Variants in C17orf107 observed in about 807,000 individuals in gnomAD.
C17orf107 encodes the protein chromosome 17 open reading frame 107.
C17orf107 carries 9 observed loss-of-function variants against 8.9 expected under a neutral mutation model. That is an observed-to-expected ratio of 1.02 (90% confidence interval 0.61 to 1.77). C17orf107 has a LOEUF of 1.77. C17orf107 is among the 40% of genes most tolerant of loss of function. The probability of loss-of-function intolerance (pLI) is 0.00; values close to 1 mark genes in which losing one functional copy is unlikely to be tolerated. For missense variants in C17orf107, 281 were observed against 249.0 expected (o/e 1.13, Z -0.86); for synonymous variants, 139 against 120.3 (o/e 1.16, Z -1.02).
chr17:4,905,530 C>G (rs1302356215), downstream of C17orf107, among the ~76,000 whole-genome samples: 1 of 152,080 alleles, frequency 6.6e-6, no homozygotes, highest in East Asian at 1.9e-4. Context: ...ACACTACACT[C>G]CAGCCTGGGT....
downstream of C17orf107, among the ~76,000 whole-genome samples, chr17:4,905,755 G>C (rs1970085797): frequency 6.6e-6 from 1 of 151,960 alleles, no homozygotes; most frequent in Admixed American, 6.6e-5. Context: ...CAGCTACTCG[G>C]GAGGCTGAGG....
downstream of C17orf107, among the ~76,000 whole-genome samples, chr17:4,904,148 C>T (rs143303324): frequency 6.5e-4 from 99 of 152,286 alleles, 3 homozygotes; most frequent in East Asian, 0.019. Flanking sequence ...TGAGCCACCG[C>T]GCCCAGCCTC....
rs746315640 is a variant in C17orf107 at position 4,902,343 on chromosome 17, G to A, written c.*1810G>A. On this transcript the variant is annotated 3_prime_UTR_variant, in exon 3 of 3. Transcript: ENST00000381365. The surrounding 1 kb of genome is among the most constrained non-coding windows in gnomAD (Gnocchi z 4.0). ...CTGCCAATCCTAAGGGGTGGGGGAT[G>A]GAAGGCCGCGTGCCCTGCATCTCCC... The A allele has an allele frequency of 1.2e-5, 19 of 1,614,022 alleles. No homozygotes were observed. The highest frequency in any genetic ancestry group is 1.6e-5 in the Non-Finnish European group (19 of 1,179,856).
Position 4,900,264 on chromosome 17 carries a change from G to T in C17orf107, c.304G>T (p.Ala102Ser). The stretch of plus-strand genomic sequence containing the variant: ...CTCAGCCCTGTGGCTGCAGCAGGAG[G>T]CGCGGCGACTAGACGGCAGCGCGGG... ...EISALWLQQEARRLDGSAGPA... is the reference protein window; with the variant it reads ...EISALWLQQESRRLDGSAGPA... The change falls in exon 3 of 3, where the codon GCG becomes TCG. Residue 102 changes from alanine to serine, a missense_variant. Coordinates refer to ENST00000381365, the MANE Select transcript of C17orf107 (RefSeq NM_001145536.2). 2 of 1,546,446 alleles carry T rather than the reference G, an allele frequency of 1.3e-6. No homozygotes were observed. The highest frequency in any genetic ancestry group is 1.7e-6 in the Non-Finnish European group (2 of 1,146,654).
Position 4,900,066 on chromosome 17 carries a change from C to T in C17orf107, c.197C>T (p.Pro66Leu). ...PPEPKMQGML[P>L]APKPTLGLVL... is the part of the protein sequence containing the mutation. The stretch of plus-strand genomic sequence containing the variant: ...GAACCGAAGATGCAGGGGATGCTGC[C>T]TGCCCCGAAGCCCACCCTGGGGCTG... The change falls in exon 2 of 3, where the codon CCT becomes CTT. Residue 66 changes from proline to leucine, a missense_variant. By Grantham distance (98) the Pro-to-Leu change is moderately conservative (BLOSUM62 -3). Coordinates refer to ENST00000381365, the MANE Select transcript of C17orf107 (RefSeq NM_001145536.2). The T allele has an allele frequency of 6.4e-7, 1 of 1,551,186 alleles. No individual in the cohort carries two copies. The highest frequency in any genetic ancestry group is 8.7e-7 in the Non-Finnish European group (1 of 1,147,002).
rs1352770248 is a variant in C17orf107 at position 4,902,310 on chromosome 17, C to T, written c.*1777C>T. On this transcript the variant is annotated 3_prime_UTR_variant, in exon 3 of 3. Coordinates refer to ENST00000381365, the MANE Select transcript of C17orf107 (RefSeq NM_001145536.2). This position sits in a 1 kb window ranked among gnomAD's most constrained non-coding sequence, Gnocchi z 4.0. ...AAAGTCGTCCTTGCTGTAGTTGAGT[C>T]GGTAATCCTGCCAATCCTAAGGGGT... is the stretch of plus-strand genomic sequence containing the variant. 1.2e-6 allele frequency: 2 copies of T among 1,614,134 alleles called. No individual in the cohort carries two copies. Among genetic ancestry groups the T allele is most frequent in the South Asian group, 1.1e-5 (1 of 91,070 alleles).
At position 4,901,975 on chromosome 17, in the gene C17orf107, T is replaced by A. The variant is rs535287601; in HGVS notation, c.*1442T>A. 6 of 1,607,652 alleles carry A rather than the reference T, an allele frequency of 3.7e-6. No individual in the cohort carries two copies. The Admixed American group carries it at 6.7e-5, about 18-fold the overall frequency. ...TTCTGCCAATCGAAGGGGAAGTAGG[T>A]GACCTCCACTGCGCAGACGCTGCGG... On this transcript the variant is annotated 3_prime_UTR_variant, in exon 3 of 3. Coordinates refer to ENST00000381365, the MANE Select transcript of C17orf107 (RefSeq NM_001145536.2).
Position 4,901,833 on chromosome 17 carries a change from G to T in C17orf107, c.*1300G>T, listed in dbSNP as rs559699657. 5 of 1,547,758 alleles carry T rather than the reference G, an allele frequency of 3.2e-6. No homozygotes were observed. The highest frequency in any genetic ancestry group is 4.4e-6 in the Non-Finnish European group (5 of 1,128,570). On this transcript the variant is annotated 3_prime_UTR_variant, in exon 3 of 3. Transcript: ENST00000381365. ...GCCTACGCCTGGCTCCGCCTCCAGCGCGAAGCCCCGCCCCGAGGGCGGTGC... is the reference window on the plus strand; with the variant it reads ...GCCTACGCCTGGCTCCGCCTCCAGCTCGAAGCCCCGCCCCGAGGGCGGTGC...
chr17:4,904,212 G>C (rs140258635), downstream of C17orf107, among the ~76,000 whole-genome samples: 864 of 147,862 alleles, frequency 5.8e-3, 9 homozygotes, highest in African/African-American at 0.021. Context: ...TGCAGGGGGT[G>C]GGGGGACAGG....
rs749454549 is a variant in C17orf107, at chr17:4,901,616, C to A, written c.*1083C>A. 2.5e-6 allele frequency: 4 copies of A among 1,614,000 alleles called. No homozygotes were observed. The South Asian group carries it at 4.4e-5, about 18-fold the overall frequency. ...TGAACTCCACCTCTTCGGCATTGTA[C>A]GTCTGAGAGCTGCGGAGCCAGGGCC... On this transcript the variant is annotated 3_prime_UTR_variant, in exon 3 of 3. Coordinates refer to ENST00000381365, the MANE Select transcript of C17orf107 (RefSeq NM_001145536.2).
At chr17:4,903,467 C>T (rs1970045777), downstream of C17orf107, among the ~76,000 whole-genome samples, 2 of 152,160 alleles carry the variant, frequency 1.3e-5, no homozygotes, top group African/African-American at 2.4e-5. Flanking sequence ...GGATGTGACA[C>T]ACCCCTTGCC....
rs373958533 is a variant in C17orf107 at position 4,900,564 on chromosome 17, T to A, written c.*31T>A. The stretch of plus-strand genomic sequence containing the variant: ...AGAGGCGGCGGGGCTAGGGAGGCAC[T>A]GAGCCGGACTGTCCCCCAAGAGAGC... On this transcript the variant is annotated 3_prime_UTR_variant, in exon 3 of 3. Coordinates refer to ENST00000381365, the MANE Select transcript of C17orf107 (RefSeq NM_001145536.2). 1.3e-4 allele frequency: 203 copies of A among 1,549,868 alleles called. 5 individuals are homozygous for A. In the South Asian group the frequency reaches 2.4e-3, roughly 18 times the overall value.
chr17:4,900,130 C>G lies in C17orf107; in HGVS notation c.261C>G (p.Gly87=), dbSNP rs956028664. 9 of 1,550,266 alleles carry G rather than the reference C, an allele frequency of 5.8e-6. No individual in the cohort carries two copies. Among genetic ancestry groups the G allele is most frequent in the African/African-American group, 5.5e-5 (4 of 73,054 alleles). ...REATASLVSF[G]TTLLEISALW... ...CCACAGCCAGCCTCGTGAGCTTCGG[C>G]ACCACCTTGTTAGAGGTGGGGTACT... Residue 87 remains glycine (G), a synonymous_variant, in exon 2 of 3, where the codon GGC becomes GGG. Coordinates refer to ENST00000381365, the MANE Select transcript of C17orf107 (RefSeq NM_001145536.2).
At chr17:4,905,147 A>T (rs1057024325), downstream of C17orf107, among the ~76,000 whole-genome samples, 16 of 152,368 alleles carry the variant, frequency 1.1e-4, no homozygotes, top group African/African-American at 3.8e-4. Context: ...AGGAGTTATC[A>T]TCTAATGACA....
chr17:4,905,064 C>G (rs922722509), downstream of C17orf107, among the ~76,000 whole-genome samples: 1 of 152,218 alleles, frequency 6.6e-6, no homozygotes, highest in African/African-American at 2.4e-5. Flanking sequence ...ATTCAAACAT[C>G]AGTGGACACC....
downstream of C17orf107, among the ~76,000 whole-genome samples, chr17:4,905,731 G>A (rs1970084661): frequency 6.6e-6 from 1 of 151,478 alleles, no homozygotes; most frequent in African/African-American, 2.4e-5. Context: ...TGTGGTGGCT[G>A]GCACCTGTAA....
chr17:4,900,987 T>A lies in C17orf107; in HGVS notation c.*454T>A. ...TGGGGGTAGGTTCGGGGCCACTGCT[T>A]ACCCTGCGCCGGCAGGAAGTAGGCG... On this transcript the variant is annotated 3_prime_UTR_variant, in exon 3 of 3. Coordinates refer to ENST00000381365, the MANE Select transcript of C17orf107 (RefSeq NM_001145536.2). 1 of 1,613,848 alleles carries A rather than the reference T, an allele frequency of 6.2e-7. No individual in the cohort carries two copies. The highest frequency in any genetic ancestry group is 8.5e-7 in the Non-Finnish European group (1 of 1,179,844).
Position 4,900,157 on chromosome 17 carries a change from G to C in C17orf107, c.276+12G>C. On this transcript the variant is annotated intron_variant, in intron 2 of 2. Transcript: ENST00000381365. ...CCACCTTGTTAGAGGTGGGGTACTGGGGGGCTTAGGATACGCGGCGATCGG... is the reference window on the plus strand; with the variant it reads ...CCACCTTGTTAGAGGTGGGGTACTGCGGGGCTTAGGATACGCGGCGATCGG... The C allele has an allele frequency of 1.9e-6, 3 of 1,548,580 alleles. No homozygotes were observed. In the East Asian group the frequency reaches 7.3e-5, roughly 38 times the overall value.
At position 4,901,617 on chromosome 17, in the gene C17orf107, G is replaced by T. The variant is rs375652301; in HGVS notation, c.*1084G>T. On this transcript the variant is annotated 3_prime_UTR_variant, in exon 3 of 3. Coordinates refer to ENST00000381365, the MANE Select transcript of C17orf107 (RefSeq NM_001145536.2). ...GAACTCCACCTCTTCGGCATTGTACGTCTGAGAGCTGCGGAGCCAGGGCCG... is the reference window on the plus strand; with the variant it reads ...GAACTCCACCTCTTCGGCATTGTACTTCTGAGAGCTGCGGAGCCAGGGCCG... 2.5e-6 allele frequency: 4 copies of T among 1,614,020 alleles called. No individual in the cohort carries two copies. The highest frequency in any genetic ancestry group is 3.4e-6 in the Non-Finnish European group (4 of 1,179,958).
Sources: gnomAD v4.1 joint callset for allele counts (sites outside exome capture counted in the v4.1 genomes callset) on GRCh38, gnomAD v4.1.1 for gene constraint, Gnocchi (gnomAD v3.1) non-coding constraint, MANE v1.5 for transcripts, NCBI Gene and HGNC (gene_info 2026-07-23, HGNC 2026-07-21) for gene names.